Variants in PDE11A observed in about 807,000 individuals in gnomAD.
PDE11A encodes phosphodiesterase 11A, also known as dual 3',5'-cyclic-AMP and -GMP phosphodiesterase 11A.
In PDE11A, 100 loss-of-function variants were observed where a neutral mutation model predicts 100.5. That is an observed-to-expected ratio of 1.00 (90% confidence interval 0.85 to 1.18). The LOEUF is 1.18. Ranked by LOEUF, PDE11A falls within the 50% of genes most tolerant of loss-of-function variation. The pLI is 0.00. For missense variants in PDE11A, 1,141 were observed against 1,152.6 expected (o/e 0.99, Z 0.15); for synonymous variants, 381 against 420.8 (o/e 0.91, Z 1.16).
At position 177,663,911 on chromosome 2, in the gene PDE11A, C is replaced by A; in HGVS notation, c.2601G>T (p.Arg867=). 1 of 1,612,766 alleles carries A rather than the reference C, an allele frequency of 6.2e-7. No homozygotes were observed. The highest frequency in any genetic ancestry group is 8.5e-7 in the Non-Finnish European group (1 of 1,178,780). The stretch of plus-strand genomic sequence containing the variant: ...TGCTATCAATCCACTCCAGTTGCAA[C>A]CGAGGCAGTTCATCCTTCCGGTTCC... ...FDRNRKDELP[R]LQLEWIDSIC... The change falls in exon 19 of 20, where the codon CGG becomes CGT. Residue 867 remains arginine (R), a synonymous_variant. Transcript: ENST00000286063.
intron 2 of PDE11A, among the ~76,000 whole-genome samples, chr2:177,958,203 A>T (rs1383884649): frequency 1.3e-5 from 2 of 152,070 alleles, no homozygotes; most frequent in Non-Finnish European, 2.9e-5. Flanking sequence ...AATGCATTTT[A>T]AAAAATAAAT....
intron 1 of PDE11A, among the ~76,000 whole-genome samples, chr2:178,068,126 A>AT (rs1198561859): frequency 6.6e-6 from 1 of 152,070 alleles, no homozygotes; most frequent in Non-Finnish European, 1.5e-5. Context: ...CTTGAGGGCA[A>AT]TTTTTTCATT....
intron 10 of PDE11A, among the ~76,000 whole-genome samples, chr2:177,763,066 C>T (rs186122655): frequency 1.3e-4 from 20 of 152,280 alleles, no homozygotes; most frequent in African/African-American, 3.4e-4. Flanking sequence ...TACAGACAGC[C>T]GGACATTTGA....
chr2:177,774,371 G>C (rs558752396), intron 9 of PDE11A, among the ~76,000 whole-genome samples: 2 of 152,162 alleles, frequency 1.3e-5, no homozygotes, highest in Non-Finnish European at 2.9e-5. Context: ...GGAACAGCTC[G>C]TGTCAAGGCT....
intron 2 of PDE11A, among the ~76,000 whole-genome samples, chr2:177,925,749 T>C (rs1373327636): frequency 1.1e-4 from 17 of 152,244 alleles, no homozygotes; most frequent in Non-Finnish European, 1.5e-5. Context: ...ACTTTTACAT[T>C]ATGCAGTCTT....
chr2:177,979,436 G>A (rs1186799836), intron 2 of PDE11A, among the ~76,000 whole-genome samples: 1 of 150,350 alleles, frequency 6.7e-6, no homozygotes, highest in African/African-American at 2.4e-5. Context: ...ATGCTGTCTT[G>A]TGAGTTGCCT....
intron 2 of PDE11A, among the ~76,000 whole-genome samples, chr2:177,913,526 C>T (rs2084911690): frequency 6.6e-6 from 1 of 151,942 alleles, no homozygotes; most frequent in Admixed American, 6.6e-5. Context: ...GTCCCACTAC[C>T]CACTCCCTTC....
intron 2 of PDE11A, among the ~76,000 whole-genome samples, chr2:177,964,510 A>G (rs1260283999): frequency 7.2e-5 from 11 of 152,052 alleles, no homozygotes; most frequent in Admixed American, 7.2e-4. Context: ...AGTGCCTGAT[A>G]GGTAGTTTTT....
chr2:177,791,975 A>G (rs1327757563), intron 9 of PDE11A, among the ~76,000 whole-genome samples: 1 of 152,176 alleles, frequency 6.6e-6, no homozygotes, highest in Non-Finnish European at 1.5e-5. Flanking sequence ...AGTTTTTAGT[A>G]TTCTCCTATA....
intron 9 of PDE11A, among the ~76,000 whole-genome samples, chr2:177,782,419 C>A (rs941551600): frequency 6.6e-6 from 1 of 152,154 alleles, no homozygotes; most frequent in African/African-American, 2.4e-5. Flanking sequence ...GACTTGCCAC[C>A]CTATGCCATC....
intron 15 of PDE11A, among the ~76,000 whole-genome samples, chr2:177,696,439 T>G (rs2081113295): frequency 6.6e-6 from 1 of 152,072 alleles, no homozygotes; most frequent in South Asian, 2.1e-4. Context: ...GAGTAGAAAT[T>G]AATAATAACT....
chr2:177,956,717 A>C (rs1260118206), intron 2 of PDE11A, among the ~76,000 whole-genome samples: 1 of 152,250 alleles, frequency 6.6e-6, no homozygotes, highest in Non-Finnish European at 1.5e-5. Flanking sequence ...ACATCATGGA[A>C]TACTATGCAG....
chr2:178,099,569 G>C (rs1025475397), intron 2 of PDE11A, among the ~76,000 whole-genome samples: 1 of 152,146 alleles, frequency 6.6e-6, no homozygotes, highest in South Asian at 2.1e-4. Flanking sequence ...AAACCCATTA[G>C]GATGGCTGTT....
intron 4 of PDE11A, among the ~76,000 whole-genome samples, chr2:177,891,237 C>T (rs1271053637): frequency 6.6e-6 from 1 of 152,082 alleles, no homozygotes; most frequent in Non-Finnish European, 1.5e-5. Context: ...TTGCAGTGAG[C>T]CGAGATCATG....
intron 2 of PDE11A, among the ~76,000 whole-genome samples, chr2:177,936,850 G>C (rs969918472): frequency 6.6e-6 from 1 of 152,008 alleles, no homozygotes; most frequent in Admixed American, 6.6e-5. Flanking sequence ...GAACCCAAGA[G>C]GTGGGAGGTT....
chr2:177,814,869 C>A (rs1211628766), intron 9 of PDE11A, among the ~76,000 whole-genome samples: 1 of 152,096 alleles, frequency 6.6e-6, no homozygotes, highest in African/African-American at 2.4e-5. Flanking sequence ...GAGAGTGGTG[C>A]CTTTTACTGA....
chr2:177,782,164 C>T (rs556178406), intron 9 of PDE11A, among the ~76,000 whole-genome samples: 4 of 152,268 alleles, frequency 2.6e-5, no homozygotes, highest in Admixed American at 2.6e-4. Context: ...TACCTGTGCC[C>T]TTGCCAGAGG....
At chr2:177,830,894 T>A (rs1021185946) in intron 6 of PDE11A, among the ~76,000 whole-genome samples, 1 of 152,120 alleles carries the variant, frequency 6.6e-6, no homozygotes, top group Non-Finnish European at 1.5e-5. Context: ...ATTCTTTTCA[T>A]AGAATCTTGT....
rs555253486 is a variant in PDE11A, at chr2:177,859,012, C to T, written c.1367+16847G>A. Among the ~76,000 whole-genome samples, 1,182 of 151,978 alleles carry T rather than the reference C, an allele frequency of 7.8e-3. 16 individuals are homozygous for T. The highest frequency in any genetic ancestry group is 0.026 in the African/African-American group (1,086 of 41,442). ...ATCTCAAGAACAAAAAACCAAACAC[C>T]GCATGTTCTCGCTCATAGGTGGGAA... On this transcript the variant is annotated intron_variant, in intron 5 of 19. Coordinates refer to ENST00000286063, the MANE Select transcript of PDE11A (RefSeq NM_016953.4).
Sources: gnomAD v4.1 joint callset for allele counts (sites outside exome capture counted in the v4.1 genomes callset) on GRCh38, gnomAD v4.1.1 for gene constraint, MANE v1.5 for transcripts, NCBI Gene and HGNC (gene_info 2026-07-23, HGNC 2026-07-21) for gene names.